The following MGST1 variants were observed in gnomAD, a reference collection of about 807,000 sequenced individuals.
MGST1 encodes the protein microsomal glutathione S-transferase 1, also known as glutathione S-transferase 12.
Under a neutral mutation model 8.9 loss-of-function variants are expected in MGST1, and 5 were observed. The ratio of observed to expected loss-of-function variants is 0.56; its 90% CI spans 0.29 to 1.19. The LOEUF is 1.19. MGST1 is among the 50% of genes most tolerant of loss of function. MGST1 has a pLI of 0.08. For synonymous variants in MGST1, 54 were observed against 67.8 expected (o/e 0.80, Z 1.00); for missense variants, 182 against 187.4 (o/e 0.97, Z 0.17).
At chr12:16,418,948 T>A (rs1006091296) in intron 1 of MGST1, among the ~76,000 whole-genome samples, 1 of 152,150 alleles carries the variant, frequency 6.6e-6, no homozygotes, top group East Asian at 1.9e-4. Context: ...TCAGAGCTTA[T>A]ATGTTTAGTG....
chr12:16,483,696 C>A (rs1235994175), intron 4 of MGST1, among the ~76,000 whole-genome samples: 1 of 152,020 alleles, frequency 6.6e-6, no homozygotes, highest in African/African-American at 2.4e-5. Flanking sequence ...AATAACATAA[C>A]CTTAAGACAC....
At chr12:16,375,278 A>G (rs1463511593) in intron 3 of MGST1, among the ~76,000 whole-genome samples, 3 of 152,206 alleles carry the variant, frequency 2.0e-5, no homozygotes, top group Admixed American at 6.5e-5. Context: ...AAATGAAAAG[A>G]GATAGAAACT....
intron 4 of MGST1, among the ~76,000 whole-genome samples, chr12:16,449,276 C>G (rs2137111152): frequency 6.6e-6 from 1 of 151,964 alleles, no homozygotes; most frequent in African/African-American, 2.4e-5. Flanking sequence ...ATAGCAAGAG[C>G]AGAGCAAGAG....
intron 3 of MGST1, among the ~76,000 whole-genome samples, chr12:16,371,998 T>C (rs537826711): frequency 6.6e-6 from 1 of 152,096 alleles, no homozygotes; most frequent in Admixed American, 6.6e-5. Flanking sequence ...AAAAGGAAAC[T>C]AGACCTCTAT....
chr12:16,400,913 T>A, intron 1 of MGST1: 1 of 1,262,900 alleles, frequency 7.9e-7, no homozygotes, highest in Non-Finnish European at 1.2e-6. Context: ...TTTGTGAGCT[T>A]TCTGAATCTC....
intron 3 of MGST1, among the ~76,000 whole-genome samples, chr12:16,374,632 G>C (rs1940351470): frequency 6.6e-6 from 1 of 152,014 alleles, no homozygotes; most frequent in Non-Finnish European, 1.5e-5. Context: ...ATGTATGAAA[G>C]TACTTGAAAA....
At chr12:16,505,969 A>G (rs941093614) in intron 4 of MGST1, among the ~76,000 whole-genome samples, 1 of 152,188 alleles carries the variant, frequency 6.6e-6, no homozygotes, top group African/African-American at 2.4e-5. Flanking sequence ...GTTGCCAAAT[A>G]TTTTAGTTTT....
rs1048448237 is a variant in MGST1 at position 16,413,490 on chromosome 12, T to C, written n.779-23898T>C. 6.6e-6 allele frequency among the ~76,000 whole-genome samples: 1 copy of C among 152,150 alleles called. No homozygotes were observed. Among genetic ancestry groups the C allele is most frequent in the South Asian group, 2.1e-4 (1 of 4,812 alleles). On this transcript the variant is annotated intron_variant and non_coding_transcript_variant, in intron 1 of 1. Coordinates refer to the MGST1 transcript ENST00000359720. This position sits in a 1 kb window ranked among gnomAD's most constrained non-coding sequence, Gnocchi z 4.0. Reference sequence around the variant, plus strand: ...CCTGAGAACAGCAGGTAAGTGGTGGTATGGAGTTGAAAGAGAATTCTCCCA... The same window carrying C: ...CCTGAGAACAGCAGGTAAGTGGTGGCATGGAGTTGAAAGAGAATTCTCCCA...
At chr12:16,351,045 A>G (rs993928456) in intron 1 of MGST1, among the ~76,000 whole-genome samples, 14 of 152,224 alleles carry the variant, frequency 9.2e-5, no homozygotes, top group African/African-American at 2.4e-4. Flanking sequence ...TGAGGGGGAA[A>G]AAAAAGTTCT....
intron 4 of MGST1, among the ~76,000 whole-genome samples, chr12:16,471,976 T>C (rs1463393895): frequency 6.6e-6 from 1 of 151,890 alleles, no homozygotes; most frequent in Non-Finnish European, 1.5e-5. Flanking sequence ...CCGCTCCACA[T>C]ACTCACACAT....
At chr12:16,575,886 G>A (rs1367910810) in intron 4 of MGST1, among the ~76,000 whole-genome samples, 1 of 152,028 alleles carries the variant, frequency 6.6e-6, no homozygotes, top group Non-Finnish European at 1.5e-5. Flanking sequence ...CTCTTCTGCA[G>A]ACTACATTAC....
In MGST1 at chr12:16,552,451, G is replaced by T. The variant is rs188565397; in HGVS notation, n.483-37077G>T. ...CCTTTAATGTTTTGTGAAGTTGAAG[G>T]TTTAAATGAGGAGCAGTTGGACTGA... On this transcript the variant is annotated intron_variant and non_coding_transcript_variant, in intron 4 of 4. Transcript: ENST00000538857. Among the ~76,000 whole-genome samples, 30 of 152,130 alleles carry T rather than the reference G, an allele frequency of 2.0e-4. No individual in the cohort carries two copies. The East Asian group carries it at 4.6e-3, about 23-fold the overall frequency.
In MGST1 at chr12:16,410,181, C is replaced by T. The variant is rs897713839; in HGVS notation, n.778+26577C>T. 1.3e-5 allele frequency among the ~76,000 whole-genome samples: 2 copies of T among 152,070 alleles called. No individual in the cohort carries two copies. Among genetic ancestry groups the T allele is most frequent in the African/African-American group, 2.4e-5 (1 of 41,402 alleles). On this transcript the variant is annotated intron_variant and non_coding_transcript_variant, in intron 1 of 1. Transcript: ENST00000359720. This position sits in a 1 kb window ranked among gnomAD's most constrained non-coding sequence, Gnocchi z 4.4. Reference sequence around the variant, plus strand: ...AAAGTGGTTATAGTGCTATGCTTACCGTCATTTCTCTTTAACTTGGAGATT... The same window carrying T: ...AAAGTGGTTATAGTGCTATGCTTACTGTCATTTCTCTTTAACTTGGAGATT...
chr12:16,461,335 T>C (rs1444555647), intron 4 of MGST1, among the ~76,000 whole-genome samples: 1 of 152,172 alleles, frequency 6.6e-6, no homozygotes, highest in African/African-American at 2.4e-5. Context: ...ATTTGACTTA[T>C]ATAGTTATTC....
chr12:16,564,889 G>A (rs181095849), intron 4 of MGST1, among the ~76,000 whole-genome samples: 99 of 152,226 alleles, frequency 6.5e-4, no homozygotes, highest in Middle Eastern at 3.4e-3. Flanking sequence ...AGGCTTAAGT[G>A]ATCTTCGTGC....
intron 1 of MGST1, among the ~76,000 whole-genome samples, chr12:16,409,331 CCTA>C (rs1478108024): frequency 6.6e-6 from 1 of 151,828 alleles, no homozygotes; most frequent in Non-Finnish European, 1.5e-5. Flanking sequence ...CACACACACA[CCTA>C]TATATATTCT....
intron 1 of MGST1, among the ~76,000 whole-genome samples, chr12:16,387,845 G>A (rs1346473167): frequency 6.6e-6 from 1 of 151,494 alleles, no homozygotes; most frequent in Non-Finnish European, 1.5e-5. Context: ...GTATTTCACT[G>A]TACCTTTTCT....
At chr12:16,486,533 A>G (rs941402831) in intron 4 of MGST1, among the ~76,000 whole-genome samples, 3 of 152,234 alleles carry the variant, frequency 2.0e-5, no homozygotes, top group Non-Finnish European at 4.4e-5. Flanking sequence ...GATAAACTAG[A>G]TGAAATAAAT....
At chr12:16,538,608 CT>C (rs35801123) in intron 4 of MGST1, among the ~76,000 whole-genome samples, 44,225 of 127,934 alleles carry the variant, frequency 0.35, 6,627 homozygotes, top group African/African-American at 0.49. Flanking sequence ...AAAGGCACTT[CT>C]TTTTTTTTTT....
Sources: allele counts gnomAD v4.1 joint callset (sites outside exome capture counted in the v4.1 genomes callset), GRCh38; gene constraint gnomAD v4.1.1; non-coding constraint Gnocchi (gnomAD v3.1); transcripts MANE v1.5; gene names NCBI Gene and HGNC (gene_info 2026-07-23, HGNC 2026-07-21).